PDGFD: variants seen among roughly 807,000 people sequenced by gnomAD.
The protein encoded by PDGFD is platelet-derived growth factor D.
Under a neutral mutation model 44.7 loss-of-function variants are expected in PDGFD, and 30 were observed. The ratio of observed to expected loss-of-function variants is 0.67; its 90% CI spans 0.50 to 0.91. The LOEUF (loss-of-function observed/expected upper bound fraction) is 0.91. Ranked by LOEUF, PDGFD falls within the 40% of genes least tolerant of loss-of-function variation. The pLI is 0.00. For missense variants in PDGFD, 445 were observed against 457.8 expected (o/e 0.97, Z 0.25); for synonymous variants, 173 against 168.4 (o/e 1.03, Z -0.21).
Position 103,927,052 on chromosome 11 carries a change from C to T in PDGFD, c.847G>A (p.Glu283Lys), listed in dbSNP as rs751072966. The stretch of plus-strand genomic sequence containing the variant: ...ACCACATTGGCCAACTTCAGCTCTT[C>T]TCTTATATTGACCGAGTAATTCCTG... ...TPRNYSVNIR[E>K]ELKLANVVFF... The change falls in exon 6 of 7, where the codon GAA (glutamate) becomes AAA (lysine). Residue 283 changes from glutamate (E) to lysine (K), a missense_variant. By Grantham distance (56) the Glu-to-Lys change is moderately conservative. Transcript: ENST00000393158. 67 of 1,614,218 alleles carry T rather than the reference C, an allele frequency of 4.2e-5. No homozygotes were observed. The highest frequency in any genetic ancestry group is 5.7e-5 in the Non-Finnish European group (67 of 1,180,024).
At chr11:104,072,028 G>C (rs1027188282) in intron 1 of PDGFD, among the ~76,000 whole-genome samples, 23 of 151,440 alleles carry the variant, frequency 1.5e-4, no homozygotes, top group African/African-American at 5.1e-4. Context: ...GTCCTCTTTT[G>C]CATATTATTC....
intron 1 of PDGFD, among the ~76,000 whole-genome samples, chr11:104,120,789 TTG>T (rs1861767888): frequency 6.6e-6 from 1 of 151,876 alleles, no homozygotes; most frequent in Non-Finnish European, 1.5e-5. Flanking sequence ...GAGCCAACTA[TTG>T]TGATTTTTTT....
chr11:104,118,854 T>G (rs1263813260), intron 1 of PDGFD, among the ~76,000 whole-genome samples: 2 of 29,340 alleles, frequency 6.8e-5, no homozygotes, highest in African/African-American at 2.2e-4. Flanking sequence ...TATTATATAT[T>G]ATAATATATT....
At chr11:104,154,346 C>A (rs1189394692) in intron 1 of PDGFD, among the ~76,000 whole-genome samples, 1 of 152,148 alleles carries the variant, frequency 6.6e-6, no homozygotes, top group Non-Finnish European at 1.5e-5. Flanking sequence ...GGCTTTATTT[C>A]TATCACCATT....
At chr11:103,930,885 T>C (rs1858390719) in intron 5 of PDGFD, among the ~76,000 whole-genome samples, 1 of 152,252 alleles carries the variant, frequency 6.6e-6, no homozygotes, top group South Asian at 2.1e-4. Context: ...CAGAGTCTAC[T>C]TTTGTCTTTG....
In PDGFD at chr11:104,139,933, G is replaced by A. The variant is rs1196872466; in HGVS notation, c.124+23871C>T. On this transcript the variant is annotated intron_variant, in intron 1 of 6. Transcript: ENST00000393158. ...AAATTAGCCGGGCGCGGTGGCGGGC[G>A]CCTGTAGTCCCAGCTACTCGGGAGG... Among the ~76,000 whole-genome samples the A allele has an allele frequency of 4.1e-5, 3 of 72,818 alleles. 1 individual carries two copies. The highest frequency in any genetic ancestry group is 2.4e-4 in the African/African-American group (3 of 12,678). The allele number at this position is 72,818 out of a possible 152,430, so 47.8% of individuals were successfully genotyped here. A position where few individuals can be genotyped will look rare whatever the true frequency, so the allele number is the denominator to read the frequency against.
chr11:104,007,275 C>T (rs1859717359), intron 1 of PDGFD, among the ~76,000 whole-genome samples: 1 of 152,196 alleles, frequency 6.6e-6, no homozygotes, highest in African/African-American at 2.4e-5. Flanking sequence ...AGGCTACACA[C>T]CTTGGTGTCT....
At chr11:103,960,629 T>A (rs1393532345) in intron 3 of PDGFD, among the ~76,000 whole-genome samples, 2 of 152,238 alleles carry the variant, frequency 1.3e-5, no homozygotes, top group African/African-American at 2.4e-5. Flanking sequence ...CATTCCTTTT[T>A]GTATCAGCAA....
intron 1 of PDGFD, among the ~76,000 whole-genome samples, chr11:104,018,057 T>C (rs999559282): frequency 1.3e-5 from 2 of 152,130 alleles, no homozygotes; most frequent in Non-Finnish European, 2.9e-5. Context: ...GGGTCAAGCA[T>C]TGTAACAGAA....
intron 1 of PDGFD, among the ~76,000 whole-genome samples, chr11:104,053,588 TTAATG>T (rs1209866043): frequency 6.6e-6 from 1 of 152,200 alleles, no homozygotes; most frequent in Non-Finnish European, 1.5e-5. Flanking sequence ...TTTATATTCT[TTAATG>T]TAATTGCAGT....
intron 1 of PDGFD, among the ~76,000 whole-genome samples, chr11:104,098,507 CTTTTT>C (rs34351974): frequency 7.1e-6 from 1 of 140,312 alleles, no homozygotes; most frequent in Non-Finnish European, 1.5e-5. Flanking sequence ...TTCTGTTTCT[CTTTTT>C]TTTTTTTTTT....
chr11:104,141,795 G>C (rs1454052206), intron 1 of PDGFD, among the ~76,000 whole-genome samples: 4 of 152,172 alleles, frequency 2.6e-5, no homozygotes, highest in Non-Finnish European at 5.9e-5. Flanking sequence ...GCAGCCAAGA[G>C]CAGGTAACAG....
intron 1 of PDGFD, among the ~76,000 whole-genome samples, chr11:104,123,324 G>C (rs561605074): frequency 2.6e-5 from 4 of 151,956 alleles, no homozygotes; most frequent in Non-Finnish European, 2.9e-5. Context: ...CTATAACAGA[G>C]CCTTTAAAAA....
intron 1 of PDGFD, among the ~76,000 whole-genome samples, chr11:104,031,392 G>A (rs1387677251): frequency 6.6e-6 from 1 of 152,114 alleles, no homozygotes; most frequent in Non-Finnish European, 1.5e-5. Flanking sequence ...ATTTAAAAAA[G>A]CTCAAGCATC....
chr11:104,161,321 C>A (rs965530226), intron 1 of PDGFD, among the ~76,000 whole-genome samples: 1 of 152,100 alleles, frequency 6.6e-6, no homozygotes, highest in African/African-American at 2.4e-5. Context: ...ATCTGATAGT[C>A]AAATGAGCAA....
intron 1 of PDGFD, among the ~76,000 whole-genome samples, chr11:104,099,838 C>G (rs926610595): frequency 4.0e-5 from 6 of 151,812 alleles, no homozygotes; most frequent in African/African-American, 1.2e-4. Context: ...TATCCAATTG[C>G]TAACGTAGAT....
rs1591081721 is a variant in PDGFD at position 103,931,541 on chromosome 11, T to G, written c.773-4415A>C. ...TCCACAGACTGTCAGAGAATCCAAT[T>G]AAACTGCTGCATGTCCTTGAAGACA... On this transcript the variant is annotated intron_variant, in intron 5 of 6. Coordinates refer to ENST00000393158, the MANE Select transcript of PDGFD (RefSeq NM_025208.5). Among the ~76,000 whole-genome samples the G allele has an allele frequency of 2.6e-5, 4 of 152,326 alleles. No individual in the cohort carries two copies. In the Middle Eastern group the frequency reaches 0.014, roughly 518 times the overall value.
chr11:104,099,700 A>G (rs997165146), intron 1 of PDGFD, among the ~76,000 whole-genome samples: 4 of 150,688 alleles, frequency 2.7e-5, no homozygotes, highest in Non-Finnish European at 5.9e-5. Flanking sequence ...AATGGAATAT[A>G]TCTCATCTTC....
At chr11:103,983,547 A>G (rs1483256486) in intron 3 of PDGFD, among the ~76,000 whole-genome samples, 4 of 151,930 alleles carry the variant, frequency 2.6e-5, no homozygotes, top group Non-Finnish European at 5.9e-5. Context: ...AACAACTGCA[A>G]CAAATGCAAA....
Sources: gnomAD v4.1 joint callset for allele counts (sites outside exome capture counted in the v4.1 genomes callset) on GRCh38, gnomAD v4.1.1 for gene constraint, MANE v1.5 for transcripts, NCBI Gene and HGNC (gene_info 2026-07-23, HGNC 2026-07-21) for gene names.